SHISA6: variants seen among roughly 807,000 people sequenced by gnomAD.
SHISA6 encodes the protein shisa family member 6, also known as protein shisa-6.
In SHISA6, 22 loss-of-function variants were observed where a neutral mutation model predicts 47.9. The ratio of observed to expected loss-of-function variants is 0.46; its 90% CI spans 0.33 to 0.66. The LOEUF (loss-of-function observed/expected upper bound fraction) is 0.66. Among genes scored for constraint, SHISA6 ranks in the 30% least tolerant of loss-of-function variants. SHISA6 has a pLI of 0.02. For synonymous variants in SHISA6, 388 were observed against 337.8 expected (o/e 1.15, Z -1.63); for missense variants, 680 against 764.6 (o/e 0.89, Z 1.30).
chr17:11,360,608 C>T (rs1021416672), intron 2 of SHISA6, among the ~76,000 whole-genome samples: 4 of 150,320 alleles, frequency 2.7e-5, no homozygotes, highest in African/African-American at 4.9e-5. Context: ...GGGAGGGGAA[C>T]ATCACACACC....
chr17:11,393,375 C>T (rs1183827938), intron 3 of SHISA6, among the ~76,000 whole-genome samples: 1 of 152,182 alleles, frequency 6.6e-6, no homozygotes, highest in African/African-American at 2.4e-5. Context: ...GTCTGTACCT[C>T]CTCTGCTTCC....
At chr17:11,421,148 C>T (rs1382560562) in intron 3 of SHISA6, among the ~76,000 whole-genome samples, 2 of 152,134 alleles carry the variant, frequency 1.3e-5, no homozygotes, top group East Asian at 1.9e-4. Context: ...TCTATGGCAG[C>T]GTTCCTCTAC....
chr17:11,341,480 G>A (rs1254916252), intron 2 of SHISA6, among the ~76,000 whole-genome samples: 3 of 151,808 alleles, frequency 2.0e-5, no homozygotes, highest in Admixed American at 1.3e-4. Flanking sequence ...GATTACTGGT[G>A]TGCACTACCA....
At chr17:11,555,652 G>A (rs2071970672) in intron 4 of SHISA6, 88 bp from the exon 5 acceptor site, 1 of 1,380,810 alleles carries the variant, frequency 7.2e-7, no homozygotes, top group Non-Finnish European at 9.6e-7. Flanking sequence ...AAAGGAGGAT[G>A]GGGATTCGAA....
chr17:11,261,626 A>T (rs760709977), intron 1 of SHISA6, among the ~76,000 whole-genome samples: 4 of 152,246 alleles, frequency 2.6e-5, no homozygotes, highest in Non-Finnish European at 5.9e-5. Context: ...TCCATGTGAT[A>T]GCAGGTATCA....
intron 2 of SHISA6, among the ~76,000 whole-genome samples, chr17:11,344,474 T>G (rs1400806322): frequency 6.6e-6 from 1 of 152,186 alleles, no homozygotes; most frequent in Non-Finnish European, 1.5e-5. Flanking sequence ...ATATTTTGAT[T>G]TATGAGTCAG....
chr17:11,358,207 C>G (rs538094956), intron 2 of SHISA6, among the ~76,000 whole-genome samples: 5 of 152,244 alleles, frequency 3.3e-5, no homozygotes, highest in South Asian at 2.1e-4. Flanking sequence ...CTCCCCACAG[C>G]TCCTGGTAAC....
chr17:11,352,462 G>T (rs1010243263), intron 2 of SHISA6, among the ~76,000 whole-genome samples: 13 of 152,170 alleles, frequency 8.5e-5, no homozygotes, highest in African/African-American at 2.9e-4. Flanking sequence ...TTATTTATTA[G>T]TGACTTCAAG....
chr17:11,466,819 C>T (rs193048130), intron 3 of SHISA6, among the ~76,000 whole-genome samples: 3 of 152,262 alleles, frequency 2.0e-5, no homozygotes, highest in South Asian at 2.1e-4. Flanking sequence ...GTTCTCAGCC[C>T]GTGTTTTCTT....
At chr17:11,288,053 C>T (rs1909382428) in intron 2 of SHISA6, among the ~76,000 whole-genome samples, 1 of 152,160 alleles carries the variant, frequency 6.6e-6, no homozygotes, top group Non-Finnish European at 1.5e-5. Flanking sequence ...ATCACTAGCA[C>T]CTGATTATTT....
chr17:11,461,313 T>G lies in SHISA6; in HGVS notation c.895+81804T>G, dbSNP rs565925318. On this transcript the variant is annotated intron_variant, in intron 3 of 5. Coordinates refer to ENST00000441885, the MANE Select transcript of SHISA6 (RefSeq NM_207386.4). ...TCAGGAGGCTGAGGCAGAAGAATGG[T>G]GTGAACCTGGGAGGCGAAGCTTGCA... Among the ~76,000 whole-genome samples the G allele has an allele frequency of 3.6e-4, 52 of 146,184 alleles. 1 individual carries two copies. Among genetic ancestry groups the G allele is most frequent in the Middle Eastern group, 3.7e-3 (1 of 268 alleles).
intron 2 of SHISA6, among the ~76,000 whole-genome samples, chr17:11,266,612 A>T (rs1009898349): frequency 2.0e-5 from 3 of 152,212 alleles, no homozygotes; most frequent in Non-Finnish European, 4.4e-5. Flanking sequence ...TTAATGGTAT[A>T]ATCAGTTAAA....
chr17:11,305,592 A>G (rs1046112228), intron 2 of SHISA6, among the ~76,000 whole-genome samples: 1 of 152,246 alleles, frequency 6.6e-6, no homozygotes, highest in African/African-American at 2.4e-5. Flanking sequence ...ACATGCATCA[A>G]GAAATCGGAA....
intron 2 of SHISA6, among the ~76,000 whole-genome samples, chr17:11,316,329 C>CTTT (rs66540376): frequency 9.6e-5 from 10 of 103,656 alleles, no homozygotes; most frequent in South Asian, 3.4e-4. Context: ...ATTTTCAGGT[C>CTTT]TTTTTTTTTT....
At chr17:11,497,069 A>G (rs989956451) in intron 3 of SHISA6, among the ~76,000 whole-genome samples, 1 of 152,088 alleles carries the variant, frequency 6.6e-6, no homozygotes, top group Non-Finnish European at 1.5e-5. Flanking sequence ...TAGTGGGGGG[A>G]CCCCCAGAAC....
intron 3 of SHISA6, among the ~76,000 whole-genome samples, chr17:11,549,029 C>A (rs978971339): frequency 6.6e-6 from 1 of 152,106 alleles, no homozygotes; most frequent in Non-Finnish European, 1.5e-5. Context: ...TATAAAAATG[C>A]CACAGCCAAT....
chr17:11,509,895 C>T (rs144780852), intron 3 of SHISA6, among the ~76,000 whole-genome samples: 42 of 152,264 alleles, frequency 2.8e-4, no homozygotes, highest in African/African-American at 9.6e-4. Context: ...TTATTGACCA[C>T]TTGCATCTTG....
intron 3 of SHISA6, among the ~76,000 whole-genome samples, chr17:11,456,683 C>CT (rs1915545412): frequency 6.6e-6 from 1 of 151,980 alleles, no homozygotes; most frequent in Non-Finnish European, 1.5e-5. Flanking sequence ...GACCTGAGCC[C>CT]TTAGCCCTCA....
intron 3 of SHISA6, among the ~76,000 whole-genome samples, chr17:11,418,359 T>C (rs1056949374): frequency 2.6e-5 from 4 of 152,316 alleles, no homozygotes; most frequent in African/African-American, 9.6e-5. Flanking sequence ...CATTGCATTG[T>C]CATGAGAGAT....
Sources: allele counts gnomAD v4.1 joint callset (sites outside exome capture counted in the v4.1 genomes callset), GRCh38; gene constraint gnomAD v4.1.1; transcripts MANE v1.5; gene names NCBI Gene and HGNC (gene_info 2026-07-23, HGNC 2026-07-21).